Variants in AFF2 observed in about 807,000 individuals in gnomAD.
AFF2 encodes the protein ALF transcription elongation factor 2.
Under a neutral mutation model 76.9 loss-of-function variants are expected in AFF2, and 14 were observed. The ratio of observed to expected loss-of-function variants is 0.18; its 90% CI spans 0.12 to 0.28. AFF2 has a LOEUF of 0.28. Among genes scored for constraint, AFF2 ranks in the 10% least tolerant of loss-of-function variants. The probability of loss-of-function intolerance (pLI) is 1.00; values close to 1 mark genes in which losing one functional copy is unlikely to be tolerated. For synonymous variants in AFF2, 398 were observed against 366.7 expected (o/e 1.09, Z -0.98); for missense variants, 868 against 1,001.1 (o/e 0.87, Z 1.79).
intron 3 of AFF2, among the ~76,000 whole-genome samples, chrX:148,709,760 C>G (rs2054940136): frequency 9.0e-6 from 1 of 111,603 alleles, no homozygotes; most frequent in Non-Finnish European, 1.9e-5. Flanking sequence ...ATGCTTATTC[C>G]AAAGTTTGCA....
chrX:148,641,012 G>A (rs2054083558), intron 1 of AFF2, among the ~76,000 whole-genome samples: 2 of 111,689 alleles, frequency 1.8e-5, no homozygotes, highest in African/African-American at 6.5e-5. Flanking sequence ...TGTTCCTATG[G>A]CACTTTCCTC....
chrX:148,707,024 G>A (rs919905897), intron 3 of AFF2, among the ~76,000 whole-genome samples: 1 of 111,773 alleles, frequency 8.9e-6, no homozygotes, highest in Non-Finnish European at 1.9e-5. Context: ...AATGGCTTTG[G>A]ACCCATTTAC....
chrX:148,732,813 A>T (rs1185457125), intron 3 of AFF2, among the ~76,000 whole-genome samples: 1 of 110,385 alleles, frequency 9.1e-6, no homozygotes, highest in Non-Finnish European at 1.9e-5. Flanking sequence ...TCTTTTTGGG[A>T]TGTGGTATGC....
intron 9 of AFF2, among the ~76,000 whole-genome samples, chrX:148,908,492 TC>T (rs782118801): frequency 1.8e-5 from 2 of 112,333 alleles, no homozygotes; most frequent in African/African-American, 3.2e-5. Flanking sequence ...CGCAACACAG[TC>T]CCTGTTATTC....
At chrX:148,953,447 T>C in intron 9 of AFF2, 133 bp from the exon 10 acceptor site, 1 of 701,379 alleles carries the variant, frequency 1.4e-6, no homozygotes, top group Non-Finnish European at 2.1e-6. Flanking sequence ...TCACGTTTCC[T>C]ATCTATAAAA....
chrX:148,780,769 C>T (rs1418743712), intron 3 of AFF2, among the ~76,000 whole-genome samples: 1 of 111,831 alleles, frequency 8.9e-6, no homozygotes, highest in Non-Finnish European at 1.9e-5. Flanking sequence ...CAAACTTATT[C>T]TTTGTCCAGT....
chrX:148,758,943 T>G (rs1355501381), intron 3 of AFF2, among the ~76,000 whole-genome samples: 7 of 111,738 alleles, frequency 6.3e-5, no homozygotes, highest in African/African-American at 2.3e-4. Context: ...CCGACTAATT[T>G]TTGTATTTTT....
chrX:148,901,691 G>T (rs955154932), intron 8 of AFF2, among the ~76,000 whole-genome samples: 1 of 111,974 alleles, frequency 8.9e-6, no homozygotes, highest in Non-Finnish European at 1.9e-5. Flanking sequence ...CATATCATTT[G>T]CACATAAATA....
chrX:148,969,389 G>T (rs1557289239), intron 15 of AFF2, among the ~76,000 whole-genome samples: 3 of 112,109 alleles, frequency 2.7e-5, no homozygotes, highest in African/African-American at 6.5e-5. Context: ...TTCATTGGGG[G>T]TACGTGAAAA....
intron 1 of AFF2, among the ~76,000 whole-genome samples, chrX:148,585,101 G>C (rs1422141811): frequency 8.9e-6 from 1 of 112,087 alleles, no homozygotes; most frequent in Non-Finnish European, 1.9e-5. Flanking sequence ...GTTCAAAGGT[G>C]AAGTACTCTG....
intron 19 of AFF2, among the ~76,000 whole-genome samples, chrX:148,982,071 CAGAGT>C (rs1399487131): frequency 1.8e-5 from 2 of 111,713 alleles, no homozygotes; most frequent in African/African-American, 6.5e-5. Context: ...TCCCTGAGCA[CAGAGT>C]AAAGTAAGGG....
intron 9 of AFF2, among the ~76,000 whole-genome samples, chrX:148,906,820 C>T (rs930311709): frequency 8.9e-6 from 1 of 111,849 alleles, no homozygotes; most frequent in Admixed American, 9.5e-5. Flanking sequence ...TGACTTCCAC[C>T]CCTCCGGATC....
intron 1 of AFF2, among the ~76,000 whole-genome samples, chrX:148,597,736 CT>C (rs201487905): frequency 0.019 from 2,101 of 111,981 alleles, 42 homozygotes; most frequent in African/African-American, 0.064. Flanking sequence ...AATCACCCCC[CT>C]GAGGAGTCAC....
intron 3 of AFF2, among the ~76,000 whole-genome samples, chrX:148,690,353 C>T (rs781874760): frequency 1.8e-5 from 2 of 112,227 alleles, no homozygotes; most frequent in Non-Finnish European, 3.8e-5. Context: ...AGTTACAACC[C>T]GCTCTCTGGC....
intron 9 of AFF2, among the ~76,000 whole-genome samples, chrX:148,922,181 T>G (rs2124268989): frequency 8.9e-6 from 1 of 112,071 alleles, no homozygotes; most frequent in South Asian, 3.8e-4. Context: ...TTTTTGAAAC[T>G]ATTTTCTGTA....
chrX:148,956,565 T>C lies in AFF2; in HGVS notation c.2520T>C (p.Ala840=). The C allele has an allele frequency of 2.5e-6, 3 of 1,211,606 alleles. No individual in the cohort carries two copies. Among genetic ancestry groups the C allele is most frequent in the Non-Finnish European group, 3.4e-6 (3 of 895,477 alleles). Residue 840 remains alanine, a synonymous_variant, in exon 11 of 21, where the codon GCT becomes GCC. Transcript: ENST00000370460. ...ETATKPKRQT[A]VTAVEKPAPK... Reference sequence around the variant, plus strand: ...CCACAAAACCCAAGCGTCAGACAGCTGTCACAGCTGTGGAGAAACCAGCCC... The same window carrying C: ...CCACAAAACCCAAGCGTCAGACAGCCGTCACAGCTGTGGAGAAACCAGCCC...
chrX:148,814,544 T>C (rs1557272025), intron 4 of AFF2, among the ~76,000 whole-genome samples: 1 of 111,807 alleles, frequency 8.9e-6, no homozygotes, highest in Non-Finnish European at 1.9e-5. Flanking sequence ...TTATGAGGGA[T>C]GCTGAATTTG....
intron 3 of AFF2, among the ~76,000 whole-genome samples, chrX:148,796,391 T>G (rs1035943912): frequency 1.8e-5 from 2 of 111,439 alleles, no homozygotes; most frequent in Non-Finnish European, 3.8e-5. Flanking sequence ...TTAGCAGCAG[T>G]CATTGAAAGT....
At chrX:148,724,646 G>A (rs1557264087) in intron 3 of AFF2, among the ~76,000 whole-genome samples, 1 of 111,701 alleles carries the variant, frequency 9.0e-6, no homozygotes, top group Non-Finnish European at 1.9e-5. Context: ...CTTGCCCAAG[G>A]CCACAGAATT....
Sources: allele counts gnomAD v4.1 joint callset (sites outside exome capture counted in the v4.1 genomes callset), GRCh38; gene constraint gnomAD v4.1.1; transcripts MANE v1.5; gene names NCBI Gene and HGNC (gene_info 2026-07-23, HGNC 2026-07-21).